Variants in CECR2 observed in about 807,000 individuals in gnomAD.
CECR2 encodes chromatin remodeling regulator CECR2.
A neutral mutation model predicts 154.5 loss-of-function variants in CECR2; 30 were observed. The observed-to-expected ratio is 0.19, with a 90% CI of 0.15 to 0.26. The LOEUF (loss-of-function observed/expected upper bound fraction) is 0.26, where lower values mean the gene tolerates loss of function less well. Ranked by LOEUF, CECR2 falls within the 10% of genes least tolerant of loss-of-function variation. CECR2 has a pLI of 1.00. For synonymous variants in CECR2, 725 were observed against 683.7 expected (o/e 1.06, Z -0.94); for missense variants, 1,743 against 1,829.3 (o/e 0.95, Z 0.86).
intron 7 of CECR2, among the ~76,000 whole-genome samples, chr22:17,508,426 T>G (rs1395871174): frequency 6.6e-6 from 1 of 152,164 alleles, no homozygotes; most frequent in African/African-American, 2.4e-5. Flanking sequence ...CTGCACCTTT[T>G]CTATTTATGT....
chr22:17,393,005 A>C (rs2146510544), intron 1 of CECR2, among the ~76,000 whole-genome samples: 1 of 152,346 alleles, frequency 6.6e-6, no homozygotes, highest in East Asian at 1.9e-4. Context: ...ACGCCACTGC[A>C]CTGCAGCCTG....
At chr22:17,397,801 CAA>C (rs2053835369) in intron 1 of CECR2, among the ~76,000 whole-genome samples, 2 of 152,152 alleles carry the variant, frequency 1.3e-5, no homozygotes, top group Admixed American at 1.3e-4. Context: ...CCGGCTAACA[CAA>C]ATTAATTTCT....
chr22:17,382,971 T>C lies in CECR2; in HGVS notation c.126+13062T>C, dbSNP rs540778174. On this transcript the variant is annotated intron_variant, in intron 1 of 18. Transcript: ENST00000262608. ...GGCCAGGCGCGGTGGCTCACGCCTGTAATCCCACCACTTTGGGAGGCCGAG... is the reference window on the plus strand; with the variant it reads ...GGCCAGGCGCGGTGGCTCACGCCTGCAATCCCACCACTTTGGGAGGCCGAG... Among the ~76,000 whole-genome samples, 5 of 152,282 alleles carry C rather than the reference T, an allele frequency of 3.3e-5. No individual in the cohort carries two copies. The East Asian group carries it at 9.6e-4, about 29-fold the overall frequency.
chr22:17,493,549 C>T (rs757791100), intron 2 of CECR2, among the ~76,000 whole-genome samples: 1 of 152,164 alleles, frequency 6.6e-6, no homozygotes, highest in Non-Finnish European at 1.5e-5. Flanking sequence ...GAAGGTTGAT[C>T]TACATACAAG....
chr22:17,499,300 T>G, intron 3 of CECR2, 110 bp from the exon 4 acceptor site: 1 of 1,360,552 alleles, frequency 7.3e-7, no homozygotes, highest in Non-Finnish European at 1.0e-6. Flanking sequence ...TACTTGGGCA[T>G]TTTTAGATTT....
At chr22:17,463,121 G>A (rs2054969418) in intron 1 of CECR2, among the ~76,000 whole-genome samples, 1 of 152,202 alleles carries the variant, frequency 6.6e-6, no homozygotes, top group Non-Finnish European at 1.5e-5. Flanking sequence ...AAGTGAGGGA[G>A]AGGCTATTCC....
Position 17,548,443 on chromosome 22 carries a change from A to C in CECR2, c.3156A>C (p.Leu1052=), listed in dbSNP as rs1304248810. ...CCACGGTGGCAGACAGGGGCGCTCTATCCGAGAACGGAGTCATTGGGGAAG... is the reference window on the plus strand; with the variant it reads ...CCACGGTGGCAGACAGGGGCGCTCTCTCCGAGAACGGAGTCATTGGGGAAG... ...DLSTVADRGA[L]SENGVIGEAS... The change falls in exon 17 of 19, where the codon CTA becomes CTC. Residue 1052 remains leucine (L), a synonymous_variant. Transcript: ENST00000262608. The C allele has an allele frequency of 1.9e-6, 3 of 1,613,852 alleles. No individual in the cohort carries two copies. The highest frequency in any genetic ancestry group is 2.7e-5 in the African/African-American group (2 of 74,922).
At chr22:17,444,137 C>T (rs2054623909) in intron 1 of CECR2, among the ~76,000 whole-genome samples, 1 of 152,186 alleles carries the variant, frequency 6.6e-6, no homozygotes, top group African/African-American at 2.4e-5. Flanking sequence ...GAGCTTAGTA[C>T]AGCTCAGTCA....
intron 1 of CECR2, among the ~76,000 whole-genome samples, chr22:17,375,548 CAA>C (rs1237045795): frequency 6.6e-6 from 1 of 152,096 alleles, no homozygotes; most frequent in Admixed American, 6.6e-5. Context: ...CAAAAGGCCC[CAA>C]GTAGAGTGGG....
chr22:17,384,332 T>C (rs1406187890), intron 1 of CECR2, among the ~76,000 whole-genome samples: 2 of 152,090 alleles, frequency 1.3e-5, no homozygotes, highest in Admixed American at 6.6e-5. Context: ...AGTTCTCCCA[T>C]CTTGGCCTCC....
intron 2 of CECR2, among the ~76,000 whole-genome samples, chr22:17,478,210 G>A (rs1378088811): frequency 6.6e-6 from 1 of 152,144 alleles, no homozygotes; most frequent in African/African-American, 2.4e-5. Flanking sequence ...TCTTTGCTAT[G>A]TGTCTATATA....
At chr22:17,375,113 C>T (rs868804335) in intron 1 of CECR2, among the ~76,000 whole-genome samples, 10 of 121,710 alleles carry the variant, frequency 8.2e-5, no homozygotes, top group Non-Finnish European at 1.2e-4. Flanking sequence ...TTTATTTCAG[C>T]AAATATATAT....
chr22:17,505,560 GTCTC>G (rs1371630560), intron 7 of CECR2, among the ~76,000 whole-genome samples: 1 of 78,402 alleles, frequency 1.3e-5, no homozygotes, highest in East Asian at 4.7e-4. Flanking sequence ...TTTTTTTTGA[GTCTC>G]TCTCTGTCTC....
At chr22:17,399,695 A>G (rs561264681) in intron 1 of CECR2, among the ~76,000 whole-genome samples, 4 of 152,198 alleles carry the variant, frequency 2.6e-5, no homozygotes, top group African/African-American at 9.6e-5. Context: ...GGCGTGAGCC[A>G]CCGCACCCAA....
intron 1 of CECR2, among the ~76,000 whole-genome samples, chr22:17,403,361 G>C (rs906034715): frequency 6.6e-6 from 1 of 151,920 alleles, no homozygotes; most frequent in African/African-American, 2.4e-5. Context: ...TTTTGTTTGG[G>C]GCTATTATAG....
intron 9 of CECR2, among the ~76,000 whole-genome samples, chr22:17,528,505 C>A (rs2056301865): frequency 6.6e-6 from 1 of 151,972 alleles, no homozygotes; most frequent in South Asian, 2.1e-4. Context: ...GATAGCACAG[C>A]AGAGAAGTAT....
chr22:17,467,002 TAGC>T, intron 1 of CECR2, among the ~76,000 whole-genome samples: 1 of 152,320 alleles, frequency 6.6e-6, no homozygotes, highest in South Asian at 2.1e-4. Context: ...GCTCAGTACT[TAGC>T]AGCCACAGAA....
At position 17,548,792 on chromosome 22, in the gene CECR2, C is replaced by T. The variant is rs2056656905; in HGVS notation, c.3505C>T (p.His1169Tyr). The change falls in exon 17 of 19, where the codon CAT (histidine) becomes TAT (tyrosine). Residue 1169 changes from histidine to tyrosine, a missense_variant. His to Tyr is a moderately conservative substitution (Grantham distance 83). Transcript: ENST00000262608. Reference protein sequence around the residue: ...PPRGFQSNHPHSGGFPRYRPP... With the variant: ...PPRGFQSNHPYSGGFPRYRPP... ...AAGGGGCTTTCAGTCTAACCACCCA[C>T]ATTCTGGAGGCTTTCCCCGGTATCG... 1 of 1,613,704 alleles carries T rather than the reference C, an allele frequency of 6.2e-7. No individual in the cohort carries two copies. Among genetic ancestry groups the T allele is most frequent in the Non-Finnish European group, 8.5e-7 (1 of 1,179,870 alleles).
chr22:17,413,594 G>A (rs1215802431), intron 1 of CECR2, among the ~76,000 whole-genome samples: 1 of 152,044 alleles, frequency 6.6e-6, no homozygotes, highest in Non-Finnish European at 1.5e-5. Context: ...GGGCCTGCTC[G>A]CCAAACTATT....
Sources: allele counts gnomAD v4.1 joint callset (sites outside exome capture counted in the v4.1 genomes callset), GRCh38; gene constraint gnomAD v4.1.1; transcripts MANE v1.5; gene names NCBI Gene and HGNC (gene_info 2026-07-23, HGNC 2026-07-21).